The following MYO18B variants were observed in gnomAD, a reference collection of about 807,000 sequenced individuals.
MYO18B encodes the protein unconventional myosin-XVIIIb.
A neutral mutation model predicts 273.0 loss-of-function variants in MYO18B; 204 were observed. That is an observed-to-expected ratio of 0.75 (90% CI 0.67 to 0.84). MYO18B has a LOEUF of 0.84. MYO18B is among the 40% of genes least tolerant of loss of function. The probability of loss-of-function intolerance (pLI) is 0.00; values close to 1 mark genes in which losing one functional copy is unlikely to be tolerated. For synonymous variants in MYO18B, 1,330 were observed against 1,305.7 expected, an observed-to-expected ratio of 1.02 and a Z score of -0.40; for missense variants, 3,212 against 3,287.6, an observed-to-expected ratio of 0.98 and a Z score of 0.56.
At chr22:25,784,629 C>T (rs932734705) in intron 10 of MYO18B, among the ~76,000 whole-genome samples, 10 of 152,314 alleles carry the variant, frequency 6.6e-5, no homozygotes, top group Middle Eastern at 6.8e-3. Context: ...CCCCACTTTC[C>T]AGGAACCAAT....
At chr22:25,858,787 T>A (rs141660262) in intron 21 of MYO18B, among the ~76,000 whole-genome samples, 2,064 of 152,312 alleles carry the variant, frequency 0.014, 22 homozygotes, top group African/African-American at 0.036. Flanking sequence ...TGACTTACAG[T>A]GAAGACGATG....
At chr22:25,904,664 A>G (rs779945731) in intron 31 of MYO18B, among the ~76,000 whole-genome samples, 1 of 152,162 alleles carries the variant, frequency 6.6e-6, no homozygotes, top group Non-Finnish European at 1.5e-5. Context: ...TGAATACTTT[A>G]TTTGTCTGCT....
chr22:25,927,229 G>A (rs553582004), intron 34 of MYO18B, among the ~76,000 whole-genome samples: 11 of 151,846 alleles, frequency 7.2e-5, no homozygotes, highest in South Asian at 2.1e-4. Context: ...CCGGTGAGCC[G>A]GGCGGAACAG....
At chr22:25,937,230 G>A (rs2092590064) in intron 34 of MYO18B, among the ~76,000 whole-genome samples, 1 of 151,642 alleles carries the variant, frequency 6.6e-6, no homozygotes, top group South Asian at 2.1e-4. Context: ...ATTAATGGGT[G>A]TGCACCACCA....
chr22:26,055,650 C>G, the MYO18B span, among the ~76,000 whole-genome samples: 1 of 152,156 alleles, frequency 6.6e-6, no homozygotes, highest in African/African-American at 2.4e-5. Flanking sequence ...AGAGGAGAGG[C>G]AGGAGGGACA....
chr22:25,868,286 A>G (rs1378272195), intron 21 of MYO18B, 34 bp from the exon 22 acceptor site: 7 of 1,561,422 alleles, frequency 4.5e-6, no homozygotes, highest in Non-Finnish European at 6.1e-6. Flanking sequence ...CCTACCTTCT[A>G]TGCTGTCTAA....
intron 17 of MYO18B, among the ~76,000 whole-genome samples, chr22:25,839,862 C>G (rs2090029816): frequency 6.6e-6 from 1 of 152,230 alleles, no homozygotes; most frequent in South Asian, 2.1e-4. Context: ...CTGTTGGCGA[C>G]TCCTGGAAAG....
intron 40 of MYO18B, among the ~76,000 whole-genome samples, chr22:25,997,262 G>A (rs891686310): frequency 1.9e-4 from 24 of 123,544 alleles, no homozygotes; most frequent in Admixed American, 1.5e-3. Context: ...CTGAGATGGC[G>A]CCAGTGTACT....
chr22:25,864,991 A>G (rs1380186976), intron 21 of MYO18B, among the ~76,000 whole-genome samples: 1 of 152,236 alleles, frequency 6.6e-6, no homozygotes, highest in Non-Finnish European at 1.5e-5. Flanking sequence ...TTGTTGGACA[A>G]TGATTATGTT....
intron 31 of MYO18B, among the ~76,000 whole-genome samples, 185 bp downstream of exon 31, chr22:25,904,016 G>C (rs2091990189): frequency 6.6e-6 from 1 of 152,156 alleles, no homozygotes. Flanking sequence ...GCTCTCCCCT[G>C]CAAGGTTCAG....
intron 12 of MYO18B, among the ~76,000 whole-genome samples, chr22:25,810,693 C>T (rs368439651): frequency 5.3e-5 from 8 of 152,158 alleles, no homozygotes; most frequent in African/African-American, 1.9e-4. Context: ...GCCTCAGTCT[C>T]CCAAAGTGCT....
intron 42 of MYO18B, among the ~76,000 whole-genome samples, chr22:26,014,202 T>TGAG (rs1362670050): frequency 6.6e-6 from 1 of 152,200 alleles, no homozygotes; most frequent in African/African-American, 2.4e-5. Context: ...CATTGTGGTG[T>TGAG]GAGGTAGGGC....
intron 42 of MYO18B, among the ~76,000 whole-genome samples, chr22:26,017,030 TTCCTTCCTTCCTTCC>T (rs1335499290): frequency 5.3e-5 from 1 of 18,858 alleles, no homozygotes; most frequent in African/African-American, 6.8e-4. Context: ...GCTAATTTCC[TTCCTTCCTTCCTTCC>T]TTCCTTCCTT....
In MYO18B at chr22:25,883,298, G is replaced by C. The variant is rs1425105282; in HGVS notation, c.4314+5250G>C. 1 of 152,248 alleles carries C rather than the reference G, an allele frequency of 6.6e-6. No homozygotes were observed. Among genetic ancestry groups the C allele is most frequent in the Non-Finnish European group, 1.5e-5 (1 of 68,084 alleles). The allele number at this position is 152,248 out of a possible 1,614,324, so 9.4% of individuals were successfully genotyped here. On this transcript the variant is annotated intron_variant, in intron 25 of 43. Transcript: ENST00000335473. This position sits in a 1 kb window ranked among gnomAD's most constrained non-coding sequence, Gnocchi z 7.6. ...ACCCAAGAGGAGGTTCTTGGTATGG[G>C]GGGTAGGGAGCCCTCCAGCCCCTAG...
chr22:25,974,318 A>G (rs1173858767), intron 39 of MYO18B, among the ~76,000 whole-genome samples: 1 of 152,236 alleles, frequency 6.6e-6, no homozygotes, highest in African/African-American at 2.4e-5. Flanking sequence ...GACACGCATA[A>G]TATTAAAATC....
chr22:25,929,543 T>C (rs185010897), intron 34 of MYO18B, among the ~76,000 whole-genome samples: 1 of 152,358 alleles, frequency 6.6e-6, no homozygotes, highest in Admixed American at 6.5e-5. Flanking sequence ...CAGCAGTTGC[T>C]TTTTCTCTCC....
intron 21 of MYO18B, among the ~76,000 whole-genome samples, chr22:25,852,794 A>G (rs533484171): frequency 2.0e-5 from 3 of 152,328 alleles, no homozygotes; most frequent in East Asian, 1.9e-4. Context: ...AGGTACTTCA[A>G]ACTGACTTGA....
chr22:25,956,811 C>T (rs571669666), intron 39 of MYO18B, among the ~76,000 whole-genome samples: 5 of 152,284 alleles, frequency 3.3e-5, no homozygotes, highest in South Asian at 2.1e-4. Context: ...CTGCATTATC[C>T]GCTCTGGTGC....
At chr22:25,943,055 G>C (rs1262910920) in intron 34 of MYO18B, among the ~76,000 whole-genome samples, 1 of 152,118 alleles carries the variant, frequency 6.6e-6, no homozygotes, top group Non-Finnish European at 1.5e-5. Context: ...GTAGGGGCTG[G>C]GCAGATGGGA....
Sources: gnomAD v4.1 joint callset for allele counts (sites outside exome capture counted in the v4.1 genomes callset) on GRCh38, gnomAD v4.1.1 for gene constraint, Gnocchi (gnomAD v3.1) non-coding constraint, MANE v1.5 for transcripts, NCBI Gene and HGNC (gene_info 2026-07-23, HGNC 2026-07-21) for gene names.